Variants in CDH12 observed in about 807,000 individuals in gnomAD.
The protein encoded by CDH12 is cadherin 12.
In CDH12, 41 loss-of-function variants were observed where a neutral mutation model predicts 74.1. The observed-to-expected ratio is 0.55, with a 90% CI of 0.43 to 0.72. CDH12 has a LOEUF of 0.72. Ranked by LOEUF, CDH12 falls within the 30% of genes least tolerant of loss-of-function variation. CDH12 has a pLI of 0.00. For missense variants in CDH12, 945 were observed against 977.2 expected, an observed-to-expected ratio of 0.97 and a Z score of 0.44; for synonymous variants, 399 against 355.0, an observed-to-expected ratio of 1.12 and a Z score of -1.39.
chr5:22,533,181 A>C (rs890496270), intron 1 of CDH12, among the ~76,000 whole-genome samples: 2 of 151,922 alleles, frequency 1.3e-5, no homozygotes, highest in African/African-American at 4.8e-5. Flanking sequence ...ATGTCAGGGG[A>C]CATTTTTGGT....
intron 6 of CDH12, among the ~76,000 whole-genome samples, chr5:21,974,617 C>A (rs1251641737): frequency 6.6e-6 from 1 of 152,116 alleles, no homozygotes; most frequent in Non-Finnish European, 1.5e-5. Flanking sequence ...AACAGTATTA[C>A]CCTTCCAGAA....
chr5:21,844,486 C>T (rs535804521), intron 7 of CDH12, among the ~76,000 whole-genome samples: 21 of 152,260 alleles, frequency 1.4e-4, no homozygotes, highest in African/African-American at 5.1e-4. Context: ...ACAATCCTTT[C>T]CTCTGTCTAA....
chr5:21,798,412 G>A (rs753644706), intron 10 of CDH12, among the ~76,000 whole-genome samples: 1 of 152,068 alleles, frequency 6.6e-6, no homozygotes, highest in Non-Finnish European at 1.5e-5. Context: ...AGCCTGAAAT[G>A]TACGGGTGCT....
At chr5:22,727,549 T>G (rs192430338) in intron 1 of CDH12, among the ~76,000 whole-genome samples, 17 of 151,848 alleles carry the variant, frequency 1.1e-4, no homozygotes, top group African/African-American at 3.9e-4. Flanking sequence ...ATTTGCATAT[T>G]TAGCATTTCA....
intron 2 of CDH12, among the ~76,000 whole-genome samples, chr5:22,453,546 G>A (rs1394287154): frequency 2.0e-5 from 3 of 152,094 alleles, no homozygotes; most frequent in Non-Finnish European, 2.9e-5. Context: ...TCCCATAGAA[G>A]TAGAGCATTA....
chr5:22,388,248 A>C (rs1742085971), intron 3 of CDH12, among the ~76,000 whole-genome samples: 1 of 152,126 alleles, frequency 6.6e-6, no homozygotes, highest in Non-Finnish European at 1.5e-5. Flanking sequence ...ACTACACTAC[A>C]GTATTAGAAT....
chr5:22,440,066 A>G (rs1744563313), intron 2 of CDH12, among the ~76,000 whole-genome samples: 2 of 152,134 alleles, frequency 1.3e-5, no homozygotes, highest in African/African-American at 4.8e-5. Context: ...TATCACATAC[A>G]AGAAAAATTT....
intron 1 of CDH12, among the ~76,000 whole-genome samples, chr5:22,615,194 T>G (rs1383788699): frequency 6.6e-6 from 1 of 152,116 alleles, no homozygotes; most frequent in African/African-American, 2.4e-5. Flanking sequence ...TCACGTGTAA[T>G]GACAACAATT....
At chr5:22,335,831 G>A (rs1486211480) in intron 3 of CDH12, among the ~76,000 whole-genome samples, 1 of 152,146 alleles carries the variant, frequency 6.6e-6, no homozygotes, top group African/African-American at 2.4e-5. Flanking sequence ...TAACAGTAGA[G>A]TGGGGCACCA....
intron 4 of CDH12, among the ~76,000 whole-genome samples, chr5:22,081,801 C>G (rs1742747026): frequency 6.6e-6 from 1 of 152,186 alleles, no homozygotes; most frequent in African/African-American, 2.4e-5. Context: ...TGAGCTGTGG[C>G]TCCCTACCAG....
At chr5:22,274,773 C>A (rs931475209) in intron 3 of CDH12, among the ~76,000 whole-genome samples, 1 of 151,856 alleles carries the variant, frequency 6.6e-6, no homozygotes, top group Non-Finnish European at 1.5e-5. Flanking sequence ...GTCTTACTGT[C>A]TTAAAATGAA....
intron 8 of CDH12, among the ~76,000 whole-genome samples, chr5:21,839,253 C>A (rs1035699537): frequency 4.6e-5 from 7 of 152,004 alleles, no homozygotes; most frequent in African/African-American, 1.7e-4. Context: ...TTCCTGTTTT[C>A]CTTAATAACA....
At position 21,959,924 on chromosome 5, in the gene CDH12, C is replaced by CAAAAAAA. The variant is rs1201352707; in HGVS notation, c.526+15160_526+15166dup. ...CTGGCGACAGAGTGAGGCTCCATCT[C>CAAAAAAA]AAAAAAAAAAAAAAAAAAAAAGACG... is the stretch of plus-strand genomic sequence containing the variant. On this transcript the variant is annotated intron_variant, in intron 6 of 14. Coordinates refer to ENST00000382254, the MANE Select transcript of CDH12 (RefSeq NM_004061.5). 6.0e-5 allele frequency among the ~76,000 whole-genome samples: 3 copies of CAAAAAAA among 49,774 alleles called. 1 individual carries two copies. The highest frequency in any genetic ancestry group is 1.9e-4 in the African/African-American group (3 of 16,200). The allele number at this position is 49,774 out of a possible 152,430, so 32.7% of individuals were successfully genotyped here.
At chr5:22,704,227 G>A (rs960481708) in intron 1 of CDH12, among the ~76,000 whole-genome samples, 3 of 152,096 alleles carry the variant, frequency 2.0e-5, no homozygotes, top group African/African-American at 7.2e-5. Context: ...GAGAGGCAGC[G>A]AAAGGCAGCA....
At chr5:22,365,841 T>C (rs964266616) in intron 3 of CDH12, among the ~76,000 whole-genome samples, 15 of 152,304 alleles carry the variant, frequency 9.8e-5, no homozygotes, top group African/African-American at 3.6e-4. Context: ...ATTGTATTAA[T>C]TAGAAAAAAG....
At chr5:21,835,961 A>C (rs1749508231) in intron 8 of CDH12, among the ~76,000 whole-genome samples, 1 of 151,836 alleles carries the variant, frequency 6.6e-6, no homozygotes, top group Non-Finnish European at 1.5e-5. Flanking sequence ...AGGAGAAGAA[A>C]AAACATATAG....
chr5:22,119,623 G>C (rs1212059226), intron 4 of CDH12, among the ~76,000 whole-genome samples: 1 of 152,048 alleles, frequency 6.6e-6, no homozygotes, highest in East Asian at 1.9e-4. Context: ...TTGGAAGGAA[G>C]GGTTGACATT....
chr5:22,528,217 C>T (rs1264921554), intron 1 of CDH12, among the ~76,000 whole-genome samples: 1 of 152,242 alleles, frequency 6.6e-6, no homozygotes, highest in East Asian at 1.9e-4. Flanking sequence ...TTATAGTTTC[C>T]TTAGCCAATT....
At chr5:22,031,494 T>A (rs1378606455) in intron 5 of CDH12, among the ~76,000 whole-genome samples, 1 of 152,164 alleles carries the variant, frequency 6.6e-6, no homozygotes, top group Non-Finnish European at 1.5e-5. Flanking sequence ...CTTCAAGAAC[T>A]TTTTCTTTGC....
Sources: allele counts gnomAD v4.1 joint callset (sites outside exome capture counted in the v4.1 genomes callset), GRCh38; gene constraint gnomAD v4.1.1; transcripts MANE v1.5; gene names NCBI Gene and HGNC (gene_info 2026-07-23, HGNC 2026-07-21).